Variants in KRT5 observed in about 807,000 individuals in gnomAD.
KRT5 encodes keratin, type II cytoskeletal 5.
In KRT5, 17 loss-of-function variants were observed where a neutral mutation model predicts 44.0. The observed-to-expected ratio is 0.39, with a 90% CI of 0.26 to 0.58. The LOEUF is 0.58. KRT5 is among the 20% of genes least tolerant of loss of function. KRT5 has a pLI of 0.61. For missense variants in KRT5, 737 were observed against 785.5 expected (o/e 0.94, Z 0.74); for synonymous variants, 329 against 312.8 (o/e 1.05, Z -0.55).
rs1361157958 is a variant in KRT5, at chr12:52,515,606, G to A, written c.1474+192C>T. Reference sequence around the variant, plus strand: ...GCATGGCTTACCCTTTAAGAGATGAGACATAAGCCACATTGCTTCCTGTCC... The same window carrying A: ...GCATGGCTTACCCTTTAAGAGATGAAACATAAGCCACATTGCTTCCTGTCC... On this transcript the variant is annotated intron_variant, in intron 8 of 8. Transcript: ENST00000252242. The A allele has an allele frequency of 4.2e-5, 28 of 669,374 alleles. No individual in the cohort carries two copies. The East Asian group carries it at 7.6e-4, about 18-fold the overall frequency. 41.5% of individuals were successfully genotyped at this position (669,374 alleles called of 1,614,324 possible).
At chr12:52,518,414 C>T (rs1402438121) in intron 2 of KRT5, 1 of 650,164 alleles carries the variant, frequency 1.5e-6, no homozygotes. Flanking sequence ...AAGCAGATTC[C>T]TGCAGAAAAG....
intron 7 of KRT5, 192 bp downstream of exon 7, chr12:52,516,445 G>A (rs1010552992): frequency 5.2e-5 from 33 of 639,048 alleles, no homozygotes; most frequent in African/African-American, 2.7e-4. Context: ...CAGGAACACC[G>A]GTGGGGGAAA....
At chr12:52,518,239 G>A in intron 2 of KRT5, 76 bp from the exon 3 acceptor site, 3 of 1,405,904 alleles carry the variant, frequency 2.1e-6, no homozygotes, top group African/African-American at 2.8e-5. Flanking sequence ...GCAGTCAACT[G>A]TAAGCCTACT....
intron 5 of KRT5, 115 bp from the exon 6 acceptor site, chr12:52,517,347 G>C: frequency 7.5e-7 from 1 of 1,324,852 alleles, no homozygotes; most frequent in Non-Finnish European, 1.1e-6. Flanking sequence ...GCTGGTTCAG[G>C]CTTTTCCAAG....
chr12:52,518,819 G>T, intron 2 of KRT5, 127 bp downstream of exon 2: 1 of 1,111,728 alleles, frequency 9.0e-7, no homozygotes, highest in Non-Finnish European at 1.4e-6. Context: ...TTTTAGTACT[G>T]GAGGTGTCCA....
intron 7 of KRT5, chr12:52,516,163 G>C (rs370356547): frequency 1.3e-5 from 6 of 468,634 alleles, no homozygotes; most frequent in South Asian, 1.1e-4. Flanking sequence ...AACTTGGCAC[G>C]GACAGAAATT....
rs79752942 is a variant in KRT5 at position 52,517,053 on chromosome 12, G to A, written c.1218+54C>T. On this transcript the variant is annotated intron_variant, in intron 6 of 8. Transcript: ENST00000252242. ...AGTAAAACAAAATAAAACAAAGTAG[G>A]TGTTTCTTTTAGAACTCAGGCCCCT... is the stretch of plus-strand genomic sequence containing the variant. The A allele has an allele frequency of 1.5e-3, 2,398 of 1,605,802 alleles. 3 individuals are homozygous for A. Among genetic ancestry groups the A allele is most frequent in the Non-Finnish European group, 1.7e-3 (1,986 of 1,172,672 alleles).
chr12:52,519,665 A>G lies in KRT5; in HGVS notation c.555+77T>C, dbSNP rs778612355. 14 of 1,471,348 alleles carry G rather than the reference A, an allele frequency of 9.5e-6. No homozygotes were observed. The Admixed American group carries it at 2.0e-4, about 21-fold the overall frequency. 91.1% of individuals were successfully genotyped at this position (1,471,348 alleles called of 1,614,324 possible). On this transcript the variant is annotated intron_variant, in intron 1 of 8. Transcript: ENST00000252242. The stretch of plus-strand genomic sequence containing the variant: ...CTATAAAAGTATTTGCACAAAGCCA[A>G]AACATCTTCCTTCTTTCTCTCTCTT...
chr12:52,514,876 C>T lies in KRT5; in HGVS notation c.*66G>A. ...GGATAAAACATGGCTTGAGCAACTG[C>T]CTAGAAGAGGCAATCTCCATGGGCT... is the stretch of plus-strand genomic sequence containing the variant. On this transcript the variant is annotated 3_prime_UTR_variant, in exon 9 of 9. Coordinates refer to ENST00000252242, the MANE Select transcript of KRT5 (RefSeq NM_000424.4). The T allele has an allele frequency of 7.2e-7, 1 of 1,383,762 alleles. No homozygotes were observed. Among genetic ancestry groups the T allele is most frequent in the East Asian group, 2.3e-5 (1 of 43,798 alleles). 85.7% of individuals were successfully genotyped at this position (1,383,762 alleles called of 1,614,324 possible).
chr12:52,516,902 T>A (rs756559586), intron 6 of KRT5, 45 bp from the exon 7 acceptor site: 2 of 1,604,180 alleles, frequency 1.2e-6, no homozygotes, highest in South Asian at 2.2e-5. Flanking sequence ...GGACCTGAGG[T>A]GTCTCCTTCT....
chr12:52,518,713 T>C (rs1347529730), intron 2 of KRT5, among the ~76,000 whole-genome samples: 1 of 152,200 alleles, frequency 6.6e-6, no homozygotes, highest in African/African-American at 2.4e-5. Context: ...GCACAGAGCA[T>C]GTTGCTCTGG....
At position 52,519,000 on chromosome 12, in the gene KRT5, C is replaced by T. The variant is rs752102397; in HGVS notation, c.716G>A (p.Arg239His). ...CATGTTTCTCAGCTCTGAGTCCAGG[C>T]GGCCCCGTTCCCCCACGATGCTGTC... ...QLDSIVGERG[R>H]LDSELRNMQD... The change falls in exon 2 of 9, where the codon CGC (arginine) becomes CAC (histidine). Residue 239 changes from arginine to histidine, a missense_variant. Physicochemically the swap from Arg to His is conservative, Grantham distance 29 (BLOSUM62 0). Coordinates refer to ENST00000252242, the MANE Select transcript of KRT5 (RefSeq NM_000424.4). 2.0e-5 allele frequency: 32 copies of T among 1,614,192 alleles called. No individual in the cohort carries two copies. The highest frequency in any genetic ancestry group is 4.5e-5 in the East Asian group (2 of 44,886).
At chr12:52,517,854 A>G (rs781236556) in intron 4 of KRT5, 43 bp downstream of exon 4, 19 of 1,608,032 alleles carry the variant, frequency 1.2e-5, no homozygotes, top group African/African-American at 1.3e-5. Flanking sequence ...CAACTTGAGG[A>G]AAAAAAACCC....
intron 1 of KRT5, 131 bp from the exon 2 acceptor site, chr12:52,519,291 A>G: frequency 7.2e-7 from 1 of 1,384,820 alleles, no homozygotes; most frequent in Non-Finnish European, 1.0e-6. Context: ...CCTGGGCCCC[A>G]GGAGGGGAGG....
At position 52,516,935 on chromosome 12, in the gene KRT5, A is replaced by G. The variant is rs374558613; in HGVS notation, c.1219-78T>C. The G allele has an allele frequency of 3.2e-6, 5 of 1,563,092 alleles. No homozygotes were observed. In the African/African-American group the frequency reaches 6.8e-5, roughly 21 times the overall value. On this transcript the variant is annotated intron_variant, in intron 6 of 8. Coordinates refer to ENST00000252242, the MANE Select transcript of KRT5 (RefSeq NM_000424.4). ...TCTGAGTTTCTGGGTCAGACAAACC[A>G]AACTATCATGAATCCCAGAGAGAAA...
chr12:52,517,481 C>A, intron 5 of KRT5, 109 bp downstream of exon 5: 1 of 1,238,530 alleles, frequency 8.1e-7, no homozygotes, highest in Non-Finnish European at 1.2e-6. Flanking sequence ...TAAAGCATCC[C>A]AATGGGCTTC....
At chr12:52,516,489 T>A (rs1159859932) in intron 7 of KRT5, 148 bp downstream of exon 7, 1 of 833,294 alleles carries the variant, frequency 1.2e-6, no homozygotes, top group African/African-American at 1.7e-5. Flanking sequence ...GTCAGCTATA[T>A]GGCCATGAGT....
At position 52,517,585 on chromosome 12, in the gene KRT5, C is replaced by T; in HGVS notation, c.1092+5G>A. 1.9e-6 allele frequency: 3 copies of T among 1,613,890 alleles called. No homozygotes were observed. Among genetic ancestry groups the T allele is most frequent in the East Asian group, 2.2e-5 (1 of 44,880 alleles). ...CACTCAGGAGACAGTCATCAGAGCA[C>T]CCACCTTGGTCTGATACCAGGACTC... On this transcript the variant is annotated splice_donor_5th_base_variant and intron_variant, in intron 5 of 8. Coordinates refer to ENST00000252242, the MANE Select transcript of KRT5 (RefSeq NM_000424.4).
chr12:52,518,200 A>G (rs766601150), intron 2 of KRT5, 37 bp from the exon 3 acceptor site: 2 of 1,596,920 alleles, frequency 1.3e-6, no homozygotes, highest in Non-Finnish European at 1.7e-6. Context: ...TTGTCAGAGG[A>G]TGAGCAACAG....
Sources: gnomAD v4.1 joint callset for allele counts (sites outside exome capture counted in the v4.1 genomes callset) on GRCh38, gnomAD v4.1.1 for gene constraint, MANE v1.5 for transcripts, NCBI Gene and HGNC (gene_info 2026-07-23, HGNC 2026-07-21) for gene names.